DPYSL2: variants seen among roughly 807,000 people sequenced by gnomAD.
The protein encoded by DPYSL2 is dihydropyrimidinase like 2.
Under a neutral mutation model 69.9 loss-of-function variants are expected in DPYSL2, and 13 were observed. That is an observed-to-expected ratio of 0.19 (90% confidence interval 0.12 to 0.30). The LOEUF (loss-of-function observed/expected upper bound fraction) is 0.30, where lower values mean the gene tolerates loss of function less well. Among genes scored for constraint, DPYSL2 ranks in the 10% least tolerant of loss-of-function variants. The pLI is 1.00. For synonymous variants in DPYSL2, 326 were observed against 359.1 expected, an observed-to-expected ratio of 0.91 and a Z score of 1.04; for missense variants, 587 against 918.9, an observed-to-expected ratio of 0.64 and a Z score of 4.67.
chr8:26,534,301 C>T (rs533668590), intron 1 of DPYSL2, among the ~76,000 whole-genome samples: 209 of 152,300 alleles, frequency 1.4e-3, no homozygotes, highest in Admixed American at 1.9e-3. Context: ...CCACCTTGGC[C>T]TCCCAAGTAG....
At chr8:26,521,301 C>T (rs1406482414) in intron 1 of DPYSL2, among the ~76,000 whole-genome samples, 2 of 151,530 alleles carry the variant, frequency 1.3e-5, no homozygotes, top group Non-Finnish European at 2.9e-5. Flanking sequence ...GGGCACTCTG[C>T]AGAAAGCACT....
chr8:26,558,807 T>C (rs1010930087), intron 1 of DPYSL2, among the ~76,000 whole-genome samples: 1 of 152,222 alleles, frequency 6.6e-6, no homozygotes, highest in Non-Finnish European at 1.5e-5. Flanking sequence ...GGGATCCTAA[T>C]GTATAAACTC....
chr8:26,573,169 G>A (rs1791641732), intron 1 of DPYSL2, among the ~76,000 whole-genome samples: 1 of 152,168 alleles, frequency 6.6e-6, no homozygotes, highest in Admixed American at 6.5e-5. Context: ...AATAACATTA[G>A]GTCTTCCTGG....
intron 1 of DPYSL2, among the ~76,000 whole-genome samples, chr8:26,527,196 C>G (rs1808493259): frequency 6.6e-6 from 1 of 152,166 alleles, no homozygotes. Flanking sequence ...AATGCCCAAC[C>G]CTGCTGTGAC....
At position 26,597,316 on chromosome 8, in the gene DPYSL2, TTCTG is replaced by T. The variant is rs1801884145; in HGVS notation, c.628+13336_628+13339del. The stretch of plus-strand genomic sequence containing the variant: ...CCATGCGGGGCCAGATTGAGCTGAT[TTCTG>T]TCACGTAGGCTGCTCCGAGGTTGCC... On this transcript the variant is annotated intron_variant, in intron 3 of 13. Coordinates refer to ENST00000521913, the MANE Select transcript of DPYSL2 (RefSeq NM_001197293.3). The surrounding 1 kb of genome is among the most constrained non-coding windows in gnomAD (Gnocchi z 5.2). 6.6e-6 allele frequency among the ~76,000 whole-genome samples: 1 copy of T among 152,212 alleles called. No individual in the cohort carries two copies. The highest frequency in any genetic ancestry group is 2.1e-4 in the South Asian group (1 of 4,836).
intron 1 of DPYSL2, among the ~76,000 whole-genome samples, chr8:26,543,792 C>A (rs1052169417): frequency 2.2e-4 from 34 of 152,052 alleles, no homozygotes; most frequent in Non-Finnish European, 5.0e-4. Flanking sequence ...TGGCCACTAG[C>A]TCTACTTTTT....
chr8:26,539,555 T>A (rs142234503), intron 1 of DPYSL2, among the ~76,000 whole-genome samples: 2,080 of 152,286 alleles, frequency 0.014, 100 homozygotes, highest in Admixed American at 0.091. Context: ...ATTTATTTAT[T>A]TATAGACAGA....
rs748614747 is a variant in DPYSL2 at position 26,647,638 on chromosome 8, G to A, written c.1434G>A (p.Gly478=). The A allele has an allele frequency of 1.2e-6, 2 of 1,612,574 alleles. No homozygotes were observed. The highest frequency in any genetic ancestry group is 1.7e-6 in the Non-Finnish European group (2 of 1,179,288). The change falls in exon 11 of 14, where the codon GGG becomes GGA. Residue 478 remains glycine (G), a synonymous_variant. Coordinates refer to ENST00000521913, the MANE Select transcript of DPYSL2 (RefSeq NM_001197293.3). This position sits in a 1 kb window ranked among gnomAD's most constrained non-coding sequence, Gnocchi z 5.1. ...TATGCTGTCTCCCTCAGGTCACTGG[G>A]AAGATGGATGAGAACCAGTTTGTGG... ...SVIWDKAVVT[G]KMDENQFVAV...
Position 26,643,685 on chromosome 8 carries a change from G to A in DPYSL2, c.1283+90G>A. On this transcript the variant is annotated intron_variant, in intron 9 of 13. Coordinates refer to ENST00000521913, the MANE Select transcript of DPYSL2 (RefSeq NM_001197293.3). This position sits in a 1 kb window ranked among gnomAD's most constrained non-coding sequence, Gnocchi z 6.5. Reference sequence around the variant, plus strand: ...GGCGAAAACAACATGGTGGCCAAGAGCAGCCATAAAACTGGGAGACCCTTG... The same window carrying A: ...GGCGAAAACAACATGGTGGCCAAGAACAGCCATAAAACTGGGAGACCCTTG... 1 of 1,579,000 alleles carries A rather than the reference G, an allele frequency of 6.3e-7. No homozygotes were observed. Among genetic ancestry groups the A allele is most frequent in the Admixed American group, 1.7e-5 (1 of 57,992 alleles).
At chr8:26,539,511 A>G (rs996359161) in intron 1 of DPYSL2, among the ~76,000 whole-genome samples, 2 of 152,208 alleles carry the variant, frequency 1.3e-5, no homozygotes, top group East Asian at 1.9e-4. Flanking sequence ...AATAAATGGT[A>G]CACATGTAAT....
At chr8:26,518,621 C>G (rs1036167360) in intron 1 of DPYSL2, among the ~76,000 whole-genome samples, 3 of 152,130 alleles carry the variant, frequency 2.0e-5, no homozygotes, top group Non-Finnish European at 4.4e-5. Flanking sequence ...CTCTTCCCAG[C>G]CCCTGGCAAC....
rs561190833 is a variant in DPYSL2, at chr8:26,597,396, T to C, written c.628+13413T>C. ...TGCATTTCTCTGAATCGCTTTGGCG[T>C]GGGCTTTTATGAGGTTCATTAGGCT... is the stretch of plus-strand genomic sequence containing the variant. On this transcript the variant is annotated intron_variant, in intron 3 of 13. Coordinates refer to ENST00000521913, the MANE Select transcript of DPYSL2 (RefSeq NM_001197293.3). This position sits in a 1 kb window ranked among gnomAD's most constrained non-coding sequence, Gnocchi z 5.2. 1.1e-3 allele frequency among the ~76,000 whole-genome samples: 163 copies of C among 152,344 alleles called. No individual in the cohort carries two copies. Among genetic ancestry groups the C allele is most frequent in the African/African-American group, 3.8e-3 (156 of 41,582 alleles).
intron 1 of DPYSL2, among the ~76,000 whole-genome samples, chr8:26,541,295 G>C (rs1422353927): frequency 6.6e-6 from 1 of 152,132 alleles, no homozygotes. Flanking sequence ...GGAGTACTAT[G>C]CCAGGCAAAA....
chr8:26,529,260 CT>C (rs754817033), intron 1 of DPYSL2, among the ~76,000 whole-genome samples: 4 of 149,016 alleles, frequency 2.7e-5, no homozygotes, highest in African/African-American at 7.5e-5. Flanking sequence ...ATCTATCTAT[CT>C]ATCTATCTAT....
chr8:26,576,656 T>C lies in DPYSL2; in HGVS notation c.355-5313T>C, dbSNP rs542780999. Among the ~76,000 whole-genome samples the C allele has an allele frequency of 2.3e-4, 35 of 152,344 alleles. 1 individual carries two copies. In the South Asian group the frequency reaches 7.2e-3, roughly 32 times the overall value. On this transcript the variant is annotated intron_variant, in intron 1 of 13. Coordinates refer to ENST00000521913, the MANE Select transcript of DPYSL2 (RefSeq NM_001197293.3). The stretch of plus-strand genomic sequence containing the variant: ...ACCACGAAGGGGCCTTGAGTGCCGT[T>C]TGAAGTGACAAGGCTCTGCCTGGGC...
At chr8:26,527,949 C>T (rs554718194) in intron 1 of DPYSL2, among the ~76,000 whole-genome samples, 30 of 151,972 alleles carry the variant, frequency 2.0e-4, no homozygotes, top group African/African-American at 4.3e-4. Flanking sequence ...ATTACAGGCA[C>T]GCGACACAGC....
chr8:26,651,173 A>T (rs1335353872), intron 11 of DPYSL2, among the ~76,000 whole-genome samples: 1 of 152,072 alleles, frequency 6.6e-6, no homozygotes, highest in Non-Finnish European at 1.5e-5. Context: ...CTGCTTTGAG[A>T]CTCAGAGCAA....
intron 10 of DPYSL2, among the ~76,000 whole-genome samples, chr8:26,646,788 C>G (rs141675281): frequency 6.6e-6 from 1 of 151,818 alleles, no homozygotes; most frequent in African/African-American, 2.4e-5. Context: ...CCCAGGACTT[C>G]GAGCCCAGCT....
intron 1 of DPYSL2, among the ~76,000 whole-genome samples, chr8:26,521,255 G>C (rs552587577): frequency 4.1e-4 from 62 of 152,316 alleles, no homozygotes; most frequent in Non-Finnish European, 7.8e-4. Context: ...TTGTTTTTGA[G>C]AATATGCAGA....
Sources: gnomAD v4.1 joint callset for allele counts (sites outside exome capture counted in the v4.1 genomes callset) on GRCh38, gnomAD v4.1.1 for gene constraint, Gnocchi (gnomAD v3.1) non-coding constraint, MANE v1.5 for transcripts, NCBI Gene and HGNC (gene_info 2026-07-23, HGNC 2026-07-21) for gene names.